Variants in PRKD1 observed in about 807,000 individuals in gnomAD.
The protein encoded by PRKD1 is serine/threonine-protein kinase D1.
PRKD1 carries 63 observed loss-of-function variants against 95.9 expected under a neutral mutation model. The ratio of observed to expected loss-of-function variants is 0.66; its 90% CI spans 0.54 to 0.81. PRKD1 has a LOEUF of 0.81. Among genes scored for constraint, PRKD1 ranks in the 30% least tolerant of loss-of-function variants. The pLI is 0.00. For missense variants in PRKD1, 1,048 were observed against 1,165.3 expected, an observed-to-expected ratio of 0.90 and a Z score of 1.47; for synonymous variants, 425 against 423.1, an observed-to-expected ratio of 1.00 and a Z score of -0.05.
intron 2 of PRKD1, among the ~76,000 whole-genome samples, chr14:29,678,890 G>T (rs756294605): frequency 5.8e-4 from 88 of 152,232 alleles, no homozygotes; most frequent in African/African-American, 2.0e-3. Context: ...AATATTATTA[G>T]AAATGATAAG....
chr14:29,649,700 G>T (rs1881366321), intron 4 of PRKD1, among the ~76,000 whole-genome samples: 1 of 152,090 alleles, frequency 6.6e-6, no homozygotes, highest in Admixed American at 6.5e-5. Context: ...TTAAAAGAGG[G>T]TTATTTTAAT....
chr14:29,786,343 T>G (rs1469058888), intron 1 of PRKD1, among the ~76,000 whole-genome samples: 1 of 152,206 alleles, frequency 6.6e-6, no homozygotes, highest in African/African-American at 2.4e-5. Context: ...GTCGAGGGAA[T>G]GCTGATATTT....
At chr14:29,693,756 G>A (rs1884368668) in intron 2 of PRKD1, among the ~76,000 whole-genome samples, 1 of 151,826 alleles carries the variant, frequency 6.6e-6, no homozygotes, top group South Asian at 2.1e-4. Context: ...TACTGTCTGA[G>A]GATGAAGACT....
At chr14:29,815,289 T>C (rs1261483222) in intron 1 of PRKD1, among the ~76,000 whole-genome samples, 1 of 152,252 alleles carries the variant, frequency 6.6e-6, no homozygotes, top group African/African-American at 2.4e-5. Context: ...TTCTTTCTAT[T>C]CCTCTAGTAA....
At chr14:29,850,612 T>A (rs1220526990) in intron 1 of PRKD1, among the ~76,000 whole-genome samples, 1 of 151,994 alleles carries the variant, frequency 6.6e-6, no homozygotes, top group Non-Finnish European at 1.5e-5. Flanking sequence ...CTCCTGCTCA[T>A]GGATTGGATG....
At chr14:29,714,545 T>C (rs1885502397) in intron 2 of PRKD1, among the ~76,000 whole-genome samples, 1 of 152,194 alleles carries the variant, frequency 6.6e-6, no homozygotes, top group Non-Finnish European at 1.5e-5. Flanking sequence ...TGGAAGACAG[T>C]GTGGTGATTC....
intron 11 of PRKD1, among the ~76,000 whole-genome samples, chr14:29,628,182 ATT>A (rs1329493342): frequency 6.6e-6 from 1 of 152,194 alleles, no homozygotes; most frequent in Admixed American, 6.5e-5. Flanking sequence ...GTTCTCTCAA[ATT>A]CATATTTGGC....
chr14:29,823,743 A>G (rs1020082476), intron 1 of PRKD1, among the ~76,000 whole-genome samples: 2 of 152,222 alleles, frequency 1.3e-5, no homozygotes, highest in African/African-American at 4.8e-5. Flanking sequence ...ATAGAAGAGG[A>G]AAGATAAAGT....
chr14:29,696,805 TAGATAGTG>T (rs1382110242), intron 2 of PRKD1, among the ~76,000 whole-genome samples: 2 of 152,138 alleles, frequency 1.3e-5, no homozygotes, highest in African/African-American at 4.8e-5. Flanking sequence ...TAAATATGTC[TAGATAGTG>T]AGAGATATAA....
At chr14:29,662,799 A>AT (rs1319369918) in intron 4 of PRKD1, among the ~76,000 whole-genome samples, 1 of 151,756 alleles carries the variant, frequency 6.6e-6, no homozygotes, top group Non-Finnish European at 1.5e-5. Flanking sequence ...TATTTTCAAA[A>AT]TTTTTTTCTC....
intron 16 of PRKD1, among the ~76,000 whole-genome samples, chr14:29,590,428 A>T (rs1026128132): frequency 1.2e-4 from 18 of 152,196 alleles, no homozygotes; most frequent in African/African-American, 4.3e-4. Context: ...TGTATGTTAA[A>T]TGATACACAT....
intron 1 of PRKD1, among the ~76,000 whole-genome samples, chr14:29,904,425 T>C (rs2139434687): frequency 6.6e-6 from 1 of 152,282 alleles, no homozygotes; most frequent in Admixed American, 6.5e-5. Context: ...GTGCCCCAAT[T>C]TCCTCACCTG....
At chr14:29,803,865 A>C (rs1163937985) in intron 1 of PRKD1, among the ~76,000 whole-genome samples, 1 of 152,222 alleles carries the variant, frequency 6.6e-6, no homozygotes, top group Non-Finnish European at 1.5e-5. Flanking sequence ...GCCTAAACCC[A>C]ATCTCTTTAT....
chr14:29,711,335 C>A (rs750309830), intron 2 of PRKD1, among the ~76,000 whole-genome samples: 1 of 152,060 alleles, frequency 6.6e-6, no homozygotes. Context: ...CCTAAGAATA[C>A]ATGGACTTAA....
chr14:29,760,335 T>C (rs1216862487), intron 1 of PRKD1, among the ~76,000 whole-genome samples: 2 of 150,614 alleles, frequency 1.3e-5, no homozygotes, highest in African/African-American at 4.9e-5. Context: ...TCTCACTATC[T>C]GAAATTTTCT....
At chr14:29,760,928 T>G (rs1253965672) in intron 1 of PRKD1, among the ~76,000 whole-genome samples, 1 of 152,150 alleles carries the variant, frequency 6.6e-6, no homozygotes, top group Non-Finnish European at 1.5e-5. Context: ...TTCTTTACGT[T>G]TTAGCCAAAA....
At chr14:29,919,813 A>G (rs1298340413) in intron 1 of PRKD1, among the ~76,000 whole-genome samples, 3 of 152,104 alleles carry the variant, frequency 2.0e-5, no homozygotes, top group Non-Finnish European at 4.4e-5. Flanking sequence ...AAAAATACAG[A>G]AAATCATCCA....
At chr14:29,669,996 A>G (rs1031927504) in intron 2 of PRKD1, among the ~76,000 whole-genome samples, 8 of 152,242 alleles carry the variant, frequency 5.3e-5, no homozygotes, top group African/African-American at 1.4e-4. Context: ...GCATTTGTGA[A>G]TATCTCAAAT....
At chr14:29,746,527 T>TACACACAC (rs1185689162) in intron 1 of PRKD1, among the ~76,000 whole-genome samples, 11 of 146,054 alleles carry the variant, frequency 7.5e-5, no homozygotes, top group Non-Finnish European at 1.5e-4. Flanking sequence ...TGTGTGTACA[T>TACACACAC]ATATACACAC....
Sources: allele counts gnomAD v4.1 joint callset (sites outside exome capture counted in the v4.1 genomes callset), GRCh38; gene constraint gnomAD v4.1.1; transcripts MANE v1.5; gene names NCBI Gene and HGNC (gene_info 2026-07-23, HGNC 2026-07-21).